The following COA1 variants were observed in gnomAD, a reference collection of about 807,000 sequenced individuals.
COA1 encodes cytochrome c oxidase assembly factor 1.
Under a neutral mutation model 16.0 loss-of-function variants are expected in COA1, and 13 were observed. The observed-to-expected ratio is 0.81, with a 90% CI of 0.53 to 1.29. The LOEUF is 1.29. Ranked by LOEUF, COA1 falls within the 50% of genes most tolerant of loss-of-function variation. The probability of loss-of-function intolerance (pLI) is 0.00; values close to 1 mark genes in which losing one functional copy is unlikely to be tolerated. For synonymous variants in COA1, 65 were observed against 65.7 expected (o/e 0.99, Z 0.05); for missense variants, 179 against 177.0 (o/e 1.01, Z -0.06).
At chr7:43,614,363 T>G (rs1583640478) in intron 6 of COA1, among the ~76,000 whole-genome samples, 1 of 152,224 alleles carries the variant, frequency 6.6e-6, no homozygotes, top group East Asian at 1.9e-4. Context: ...ATTCATATAT[T>G]TTAAATAGAA....
chr7:43,664,028 C>T (rs1032780474), intron 1 of COA1, among the ~76,000 whole-genome samples: 1 of 150,616 alleles, frequency 6.6e-6, no homozygotes, highest in African/African-American at 2.5e-5. Flanking sequence ...TTTACTCCAG[C>T]CTGGGTGACA....
intron 1 of COA1, among the ~76,000 whole-genome samples, chr7:43,671,461 C>T (rs939043634): frequency 2.6e-5 from 4 of 151,878 alleles, no homozygotes; most frequent in African/African-American, 7.2e-5. Flanking sequence ...AACAAAGAAT[C>T]CCATTTATAA....
At chr7:43,693,672 G>T (rs1042232781) in intron 1 of COA1, among the ~76,000 whole-genome samples, 4 of 152,062 alleles carry the variant, frequency 2.6e-5, no homozygotes, top group Non-Finnish European at 5.9e-5. Flanking sequence ...CCAGCTTAGA[G>T]TCTAGATCCA....
intron 1 of COA1, among the ~76,000 whole-genome samples, chr7:43,710,901 T>C (rs1463648966): frequency 6.6e-6 from 1 of 152,096 alleles, no homozygotes; most frequent in Non-Finnish European, 1.5e-5. Context: ...ACTAAAACAA[T>C]AAGCAGCTGC....
chr7:43,640,348 G>A (rs1049653311), intron 5 of COA1, among the ~76,000 whole-genome samples: 9 of 152,344 alleles, frequency 5.9e-5, no homozygotes, highest in Non-Finnish European at 8.8e-5. Context: ...CAAATTCAAC[G>A]GCATAAGGAG....
At chr7:43,698,776 T>C (rs2094607675) in intron 1 of COA1, among the ~76,000 whole-genome samples, 1 of 152,234 alleles carries the variant, frequency 6.6e-6, no homozygotes, top group Admixed American at 6.5e-5. Flanking sequence ...TAAGCTAGAA[T>C]ATGTTTTAAA....
At chr7:43,677,463 G>A (rs1584864999) in intron 1 of COA1, among the ~76,000 whole-genome samples, 1 of 152,166 alleles carries the variant, frequency 6.6e-6, no homozygotes, top group Non-Finnish European at 1.5e-5. Flanking sequence ...GAGAGAAACA[G>A]GAATGCTTTA....
At chr7:43,614,102 A>AT (rs2083123331) in intron 6 of COA1, among the ~76,000 whole-genome samples, 1 of 152,208 alleles carries the variant, frequency 6.6e-6, no homozygotes, top group African/African-American at 2.4e-5. Context: ...AACCCTGCCC[A>AT]TGACACCCTA....
downstream of COA1, among the ~76,000 whole-genome samples, chr7:43,637,517 A>C (rs2086099131): frequency 6.6e-6 from 1 of 152,210 alleles, no homozygotes; most frequent in African/African-American, 2.4e-5. Context: ...TATCCAAGAC[A>C]TCATTAAGGT....
chr7:43,722,107 T>G (rs1214983199), intron 1 of COA1, among the ~76,000 whole-genome samples: 1 of 151,282 alleles, frequency 6.6e-6, no homozygotes, highest in Non-Finnish European at 1.5e-5. Flanking sequence ...TTTTTTTTTT[T>G]TGAGACAGGG....
intron 1 of COA1, among the ~76,000 whole-genome samples, chr7:43,655,389 G>A (rs528333332): frequency 3.5e-4 from 53 of 152,232 alleles, no homozygotes; most frequent in South Asian, 8.3e-4. Flanking sequence ...GTTGGCTCAC[G>A]CCTGCAATCC....
rs116203287 is a variant in COA1 at position 43,691,828 on chromosome 7, T to A, written c.-39+37601A>T. Among the ~76,000 whole-genome samples the A allele has an allele frequency of 5.6e-3, 854 of 152,234 alleles. 9 individuals carry two copies. The highest frequency in any genetic ancestry group is 0.02 in the African/African-American group (828 of 41,542). ...GTCAGCACTCAGGTAGCAGACCTGC[T>A]GACTGTGCTCCCGGGTTCAAACTCA... On this transcript the variant is annotated intron_variant, in intron 1 of 5. Coordinates refer to ENST00000223336, the MANE Select transcript of COA1 (RefSeq NM_018224.4).
At chr7:43,613,559 A>G (rs1015863297) in intron 6 of COA1, among the ~76,000 whole-genome samples, 163 of 152,266 alleles carry the variant, frequency 1.1e-3, no homozygotes, top group African/African-American at 3.5e-3. Flanking sequence ...AGACTAGAAG[A>G]AGGCCAGGTG....
intron 1 of COA1, among the ~76,000 whole-genome samples, chr7:43,714,298 T>C (rs10227203): frequency 0.15 from 22,195 of 152,208 alleles, 2,188 homozygotes; most frequent in Non-Finnish European, 0.21. Context: ...TATAAACCTA[T>C]GGCTTATTAC....
chr7:43,664,195 T>C lies in COA1; in HGVS notation c.-38-15543A>G, dbSNP rs2092720452. Among the ~76,000 whole-genome samples the C allele has an allele frequency of 2.0e-5, 3 of 149,812 alleles. No homozygotes were observed. In the South Asian group the frequency reaches 6.5e-4, roughly 32 times the overall value. The stretch of plus-strand genomic sequence containing the variant: ...AACTGCTGTGATCATGGCATACTAC[T>C]GCCTCTAATTTCTAGGTTCAAGCAA... On this transcript the variant is annotated intron_variant, in intron 1 of 5. Transcript: ENST00000223336.
At chr7:43,669,772 A>T (rs199666549) in intron 1 of COA1, among the ~76,000 whole-genome samples, 20 of 6,696 alleles carry the variant, frequency 3.0e-3, no homozygotes, top group African/African-American at 9.1e-3. Context: ...AAAAAAAATT[A>T]AAAAAAAAAA....
intron 1 of COA1, among the ~76,000 whole-genome samples, chr7:43,688,555 T>C (rs2130836255): frequency 1.3e-5 from 2 of 152,264 alleles, no homozygotes; most frequent in South Asian, 4.1e-4. Context: ...CAGGTTCAGC[T>C]GCATGCAGCC....
chr7:43,708,437 G>A (rs2095084267), intron 1 of COA1, among the ~76,000 whole-genome samples: 1 of 151,204 alleles, frequency 6.6e-6, no homozygotes, highest in Non-Finnish European at 1.5e-5. Context: ...CTCCAGTCTG[G>A]GTAACAAAGC....
intron 6 of COA1, chr7:43,631,055 C>CT (rs949306772): frequency 2.4e-3 from 360 of 148,334 alleles, no homozygotes; most frequent in African/African-American, 7.3e-3. Flanking sequence ...CATCCCAAAA[C>CT]TTTTTTTTTT....
Sources: gnomAD v4.1 joint callset for allele counts (sites outside exome capture counted in the v4.1 genomes callset) on GRCh38, gnomAD v4.1.1 for gene constraint, MANE v1.5 for transcripts, NCBI Gene and HGNC (gene_info 2026-07-23, HGNC 2026-07-21) for gene names.